The following CA10 variants were observed in gnomAD, a reference collection of about 807,000 sequenced individuals.
CA10 encodes the protein carbonic anhydrase-related protein 10.
A neutral mutation model predicts 44.2 loss-of-function variants in CA10; 14 were observed. That is an observed-to-expected ratio of 0.32 (90% CI 0.21 to 0.50). The LOEUF (loss-of-function observed/expected upper bound fraction) is 0.50. Among genes scored for constraint, CA10 ranks in the 20% least tolerant of loss-of-function variants. The pLI is 0.99. For missense variants in CA10, 350 were observed against 409.7 expected (o/e 0.85, Z 1.26); for synonymous variants, 159 against 141.6 (o/e 1.12, Z -0.87).
intron 3 of CA10, among the ~76,000 whole-genome samples, chr17:51,915,073 T>C (rs933104272): frequency 1.3e-5 from 2 of 152,204 alleles, no homozygotes; most frequent in African/African-American, 4.8e-5. Flanking sequence ...TTGACTGCTT[T>C]CTGTATATTA....
At chr17:52,089,019 C>T (rs1377446714) in intron 1 of CA10, among the ~76,000 whole-genome samples, 1 of 152,194 alleles carries the variant, frequency 6.6e-6, no homozygotes, top group Non-Finnish European at 1.5e-5. Flanking sequence ...CATCATTAGG[C>T]TAATGCTCCA....
chr17:51,719,043 C>T (rs922222249), intron 4 of CA10, among the ~76,000 whole-genome samples: 1 of 152,144 alleles, frequency 6.6e-6, no homozygotes, highest in African/African-American at 2.4e-5. Flanking sequence ...GCTCTTTATT[C>T]CCTTCTGAGA....
intron 3 of CA10, among the ~76,000 whole-genome samples, chr17:51,882,919 A>T (rs1980439983): frequency 6.6e-6 from 1 of 152,204 alleles, no homozygotes; most frequent in African/African-American, 2.4e-5. Flanking sequence ...TCTTGAAAAA[A>T]GTTGTGCTCC....
At chr17:51,901,593 G>A (rs1981319254) in intron 3 of CA10, among the ~76,000 whole-genome samples, 1 of 152,114 alleles carries the variant, frequency 6.6e-6, no homozygotes, top group African/African-American at 2.4e-5. Context: ...ACTGGCAGTG[G>A]TGGTGGTGTG....
intron 3 of CA10, among the ~76,000 whole-genome samples, chr17:51,930,384 G>T (rs1405260592): frequency 6.6e-6 from 1 of 152,102 alleles, no homozygotes; most frequent in East Asian, 1.9e-4. Context: ...ATGGGCACTT[G>T]TGCCCTTCCA....
intron 4 of CA10, among the ~76,000 whole-genome samples, chr17:51,705,256 C>T (rs1435889114): frequency 6.6e-6 from 1 of 152,168 alleles, no homozygotes; most frequent in Admixed American, 6.5e-5. Context: ...AGATAGCAGC[C>T]TACTCACCAT....
At chr17:51,982,515 A>G (rs1984686164) in intron 2 of CA10, among the ~76,000 whole-genome samples, 1 of 152,022 alleles carries the variant, frequency 6.6e-6, no homozygotes, top group Non-Finnish European at 1.5e-5. Flanking sequence ...TCAAGAATAT[A>G]GTAAAGAACA....
rs114891779 is a variant in CA10 at position 51,642,508 on chromosome 17, A to G, written c.635-6499T>C. Among the ~76,000 whole-genome samples, 952 of 152,246 alleles carry G rather than the reference A, an allele frequency of 6.3e-3. 10 individuals are homozygous for G. The highest frequency in any genetic ancestry group is 0.022 in the African/African-American group (911 of 41,540). ...TAAAGCAAAGTTATAAACAGGTAAG[A>G]CTGAAAAAGATGCTTTAAAGGGCTT... is the stretch of plus-strand genomic sequence containing the variant. On this transcript the variant is annotated intron_variant, in intron 6 of 8. Coordinates refer to ENST00000451037, the MANE Select transcript of CA10 (RefSeq NM_020178.5).
At chr17:51,886,418 T>A (rs970842899) in intron 3 of CA10, among the ~76,000 whole-genome samples, 11 of 152,210 alleles carry the variant, frequency 7.2e-5, no homozygotes, top group African/African-American at 2.7e-4. Context: ...AAAAACCTAA[T>A]TCCTGGGTCT....
intron 8 of CA10, among the ~76,000 whole-genome samples, chr17:51,632,150 C>G (rs1349092987): frequency 6.6e-6 from 1 of 152,112 alleles, no homozygotes; most frequent in Non-Finnish European, 1.5e-5. Flanking sequence ...TGTCAGAGTG[C>G]CATAGAGATT....
intron 4 of CA10, among the ~76,000 whole-genome samples, chr17:51,745,752 A>G (rs572014885): frequency 6.6e-6 from 1 of 152,364 alleles, no homozygotes; most frequent in South Asian, 2.1e-4. Flanking sequence ...CATTTTATCA[A>G]TTATTCATTT....
At chr17:52,046,293 T>A (rs1986909603) in intron 2 of CA10, among the ~76,000 whole-genome samples, 2 of 141,588 alleles carry the variant, frequency 1.4e-5, no homozygotes. Flanking sequence ...ATTGACAAAA[T>A]TGGTAAGCTT....
chr17:51,717,826 T>TATACATAC lies in CA10; in HGVS notation c.465+29806_465+29807insGTATGTAT, dbSNP rs796143661. Among the ~76,000 whole-genome samples the TATACATAC allele has an allele frequency of 1.0e-4, 2 of 19,364 alleles. 1 individual carries two copies. Among genetic ancestry groups the TATACATAC allele is most frequent in the Non-Finnish European group, 2.0e-4 (2 of 10,202 alleles). The allele number at this position is 19,364 out of a possible 152,430, so 12.7% of individuals were successfully genotyped here. On this transcript the variant is annotated intron_variant, in intron 4 of 8. Transcript: ENST00000451037. ...ATATATATACACGTATATATATGTG[T>TATACATAC]GTGTATATATATATATATATATATA... is the stretch of plus-strand genomic sequence containing the variant.
intron 1 of CA10, among the ~76,000 whole-genome samples, chr17:52,081,693 G>A (rs1226866339): frequency 6.6e-6 from 1 of 151,634 alleles, no homozygotes; most frequent in East Asian, 1.9e-4. Flanking sequence ...CCAGCTACTT[G>A]GGAGGCTGAG....
chr17:52,045,883 G>A (rs1407470558), intron 2 of CA10, among the ~76,000 whole-genome samples: 2 of 151,876 alleles, frequency 1.3e-5, no homozygotes, highest in African/African-American at 2.4e-5. Flanking sequence ...AAGTTAAGAC[G>A]TATGACAATC....
At chr17:51,872,909 T>C (rs1185803353) in intron 3 of CA10, among the ~76,000 whole-genome samples, 5 of 152,190 alleles carry the variant, frequency 3.3e-5, no homozygotes, top group Non-Finnish European at 7.3e-5. Context: ...AGCACCTAAG[T>C]GGCTTTCAGA....
chr17:51,951,487 T>C (rs1433349953), intron 2 of CA10, among the ~76,000 whole-genome samples: 1 of 152,152 alleles, frequency 6.6e-6, no homozygotes, highest in Non-Finnish European at 1.5e-5. Context: ...TAGGGCTTAG[T>C]TGCCCAAATC....
intron 1 of CA10, among the ~76,000 whole-genome samples, chr17:52,076,988 T>G (rs745930481): frequency 4.6e-5 from 7 of 152,200 alleles, no homozygotes; most frequent in Non-Finnish European, 8.8e-5. Flanking sequence ...AAAAAAATTG[T>G]GTTGACAATA....
chr17:52,157,820 G>T lies in CA10; in HGVS notation c.-34C>A. The T allele has an allele frequency of 2.5e-6, 4 of 1,571,314 alleles. No individual in the cohort carries two copies. The highest frequency in any genetic ancestry group is 1.1e-5 in the South Asian group (1 of 90,286). ...TCTCATTCCAAGTGCATCACTCGAC[G>T]GGAAAACGGGGGGAAGGGGGGAGCC... On this transcript the variant is annotated 5_prime_UTR_variant, in exon 1 of 9. Coordinates refer to ENST00000451037, the MANE Select transcript of CA10 (RefSeq NM_020178.5).
Sources: allele counts gnomAD v4.1 joint callset (sites outside exome capture counted in the v4.1 genomes callset), GRCh38; gene constraint gnomAD v4.1.1; transcripts MANE v1.5; gene names NCBI Gene and HGNC (gene_info 2026-07-23, HGNC 2026-07-21).